CPEB2: variants seen among roughly 807,000 people sequenced by gnomAD.
The protein encoded by CPEB2 is cytoplasmic polyadenylation element binding protein 2.
In CPEB2, 56 loss-of-function variants were observed where a neutral mutation model predicts 93.6. That is an observed-to-expected ratio of 0.60 (90% confidence interval 0.48 to 0.75). The LOEUF is 0.75. CPEB2 is among the 30% of genes least tolerant of loss of function. The pLI is 0.00. For missense variants in CPEB2, 1,579 were observed against 1,395.1 expected (o/e 1.13, Z -2.10); for synonymous variants, 764 against 586.3 (o/e 1.30, Z -4.38).
intron 8 of CPEB2, among the ~76,000 whole-genome samples, chr4:15,057,134 A>G (rs1005436305): frequency 6.6e-6 from 1 of 152,082 alleles, no homozygotes; most frequent in African/African-American, 2.4e-5. Flanking sequence ...TTTTGTATCA[A>G]AATTAAAGCC....
chr4:15,002,835 T>G lies in CPEB2; in HGVS notation c.162T>G (p.Pro54=), dbSNP rs1432202425. Residue 54 remains proline (P), a synonymous_variant, in exon 1 of 12, where the codon CCT becomes CCG. Coordinates refer to ENST00000538197, the MANE Select transcript of CPEB2 (RefSeq NM_001177382.2). The part of the protein sequence containing the change: ...PFGPLSPPPL[P]VTGFLEAASP... ...GCCCACTGTCGCCACCACCGTTGCC[T>G]GTCACCGGCTTCTTAGAGGCCGCCT... The G allele has an allele frequency of 2.0e-5, 31 of 1,534,944 alleles. No individual in the cohort carries two copies. Among genetic ancestry groups the G allele is most frequent in the Non-Finnish European group, 2.7e-5 (31 of 1,146,514 alleles).
chr4:15,013,827 A>G (rs757243207), intron 3 of CPEB2, among the ~76,000 whole-genome samples: 24 of 152,096 alleles, frequency 1.6e-4, no homozygotes, highest in Non-Finnish European at 2.2e-4. Context: ...ATTTTAAAAT[A>G]GCTTTGCTGT....
At chr4:15,025,275 G>A (rs1220277698) in intron 4 of CPEB2, among the ~76,000 whole-genome samples, 2 of 151,902 alleles carry the variant, frequency 1.3e-5, no homozygotes, top group African/African-American at 2.4e-5. Flanking sequence ...TCTTATTCTT[G>A]TTGTTTGATC....
intron 4 of CPEB2, among the ~76,000 whole-genome samples, chr4:15,018,216 A>T (rs1245389664): frequency 6.6e-6 from 1 of 151,806 alleles, no homozygotes; most frequent in Non-Finnish European, 1.5e-5. Flanking sequence ...TTCTCTTTCA[A>T]GATTTGGCCT....
At chr4:15,022,800 A>G (rs565049752) in intron 4 of CPEB2, among the ~76,000 whole-genome samples, 9 of 152,216 alleles carry the variant, frequency 5.9e-5, no homozygotes, top group Non-Finnish European at 1.0e-4. Context: ...TGAAAGTACA[A>G]TTTATGAGTT....
At chr4:15,058,227 A>G (rs185426240) in intron 8 of CPEB2, among the ~76,000 whole-genome samples, 194 bp from the exon 9 acceptor site, 11 of 152,266 alleles carry the variant, frequency 7.2e-5, no homozygotes, top group Non-Finnish European at 1.2e-4. Context: ...AAAGTAGCCA[A>G]TTGCTTTACT....
chr4:15,054,391 A>G (rs912077417), intron 8 of CPEB2, among the ~76,000 whole-genome samples, 174 bp downstream of exon 8: 1 of 152,218 alleles, frequency 6.6e-6, no homozygotes, highest in East Asian at 1.9e-4. Context: ...CATCATTTCA[A>G]GTAACTTGGG....
Position 15,068,204 on chromosome 4 carries a change from A to G in CPEB2, c.*1824A>G, listed in dbSNP as rs564593173. 2.6e-5 allele frequency: 4 copies of G among 152,288 alleles called. 1 individual carries two copies. The highest frequency in any genetic ancestry group is 9.6e-5 in the African/African-American group (4 of 41,466). The allele number at this position is 152,288 out of a possible 1,614,324, so 9.4% of individuals were successfully genotyped here. On this transcript the variant is annotated 3_prime_UTR_variant, in exon 12 of 12. Transcript: ENST00000538197. Reference sequence around the variant, plus strand: ...TCATGTGAGCAAAGTGTTGATCTTAATATTGGTTGTCTGTGGTGTGCTTTT... The same window carrying G: ...TCATGTGAGCAAAGTGTTGATCTTAGTATTGGTTGTCTGTGGTGTGCTTTT...
chr4:15,007,110 A>G (rs1223759132), intron 1 of CPEB2, among the ~76,000 whole-genome samples, 195 bp from the exon 2 acceptor site: 3 of 152,226 alleles, frequency 2.0e-5, no homozygotes, highest in Non-Finnish European at 2.9e-5. Context: ...ATACAAGAAG[A>G]TGAAAACTTG....
Position 15,038,024 on chromosome 4 carries a change from A to T in CPEB2, c.2177-2440A>T, listed in dbSNP as rs184251105. Among the ~76,000 whole-genome samples, 9 of 152,316 alleles carry T rather than the reference A, an allele frequency of 5.9e-5. No individual in the cohort carries two copies. In the East Asian group the frequency reaches 1.7e-3, roughly 29 times the overall value. On this transcript the variant is annotated intron_variant, in intron 5 of 11. Transcript: ENST00000538197. ...TTAGTGTGATGGTGGCAGATTAGTT[A>T]TTTCCATAACAGGGAATAGGAAATA...
intron 7 of CPEB2, 78 bp downstream of exon 7, chr4:15,052,662 G>A (rs906170894): frequency 1.1e-6 from 1 of 939,942 alleles, no homozygotes; most frequent in Non-Finnish European, 1.5e-6. Context: ...AATGTGAATG[G>A]ACTATGAAAG....
intron 5 of CPEB2, among the ~76,000 whole-genome samples, chr4:15,033,496 A>G (rs917379487): frequency 1.3e-5 from 2 of 152,216 alleles, no homozygotes; most frequent in Non-Finnish European, 2.9e-5. Flanking sequence ...TGGACAGATT[A>G]CTATTACCTT....
intron 2 of CPEB2, 138 bp from the exon 3 acceptor site, chr4:15,008,200 G>GTTTTTTTT: frequency 2.1e-6 from 1 of 486,248 alleles, no homozygotes; most frequent in African/African-American, 2.0e-5. Flanking sequence ...GTTTTGTTTT[G>GTTTTTTTT]TTTTTTTCTT....
chr4:15,058,366 T>C lies in CPEB2; in HGVS notation c.2462-55T>C, dbSNP rs1728902143. ...TGTATTTTCTAAATAGTACTGAAAT[T>C]TGGAGTAAAATCACTTGGCTTGACA... On this transcript the variant is annotated intron_variant, in intron 8 of 11. Transcript: ENST00000538197. 5.0e-6 allele frequency: 5 copies of C among 1,004,312 alleles called. No individual in the cohort carries two copies. In the South Asian group the frequency reaches 5.6e-5, roughly 11 times the overall value. The allele number at this position is 1,004,312 out of a possible 1,614,324, so 62.2% of individuals were successfully genotyped here.
At position 15,003,186 on chromosome 4, in the gene CPEB2, G is replaced by A. The variant is rs750883602; in HGVS notation, c.513G>A (p.Gln171=). 6 of 1,534,092 alleles carry A rather than the reference G, an allele frequency of 3.9e-6. No individual in the cohort carries two copies. Among genetic ancestry groups the A allele is most frequent in the African/African-American group, 1.4e-5 (1 of 72,722 alleles). Residue 171 remains glutamine, a synonymous_variant, in exon 1 of 12, where the codon CAG becomes CAA. Transcript: ENST00000538197. ...SSPQDFSKRQ[Q]QQLSSQKRKE... is the part of the protein sequence containing the mutation. The stretch of plus-strand genomic sequence containing the variant: ...CGCAGGACTTCAGTAAGCGGCAGCA[G>A]CAGCAGCTGAGCAGCCAGAAGAGGA...
intron 1 of CPEB2, 107 bp downstream of exon 1, chr4:15,004,442 C>T (rs1385132754): frequency 2.5e-6 from 2 of 796,278 alleles, no homozygotes; most frequent in Non-Finnish European, 3.6e-6. Flanking sequence ...CCGAGAGAAG[C>T]CGCGACGGGG....
chr4:15,002,985 GCCGGCGCGGCCGCTTT>G lies in CPEB2; in HGVS notation c.314_329del (p.Pro105ArgfsTer22), dbSNP rs1344435744. 5 of 1,501,734 alleles carry G rather than the reference GCCGGCGCGGCCGCTTT, an allele frequency of 3.3e-6. No individual in the cohort carries two copies. In the East Asian group the frequency reaches 1.2e-4, roughly 37 times the overall value. The allele number at this position is 1,501,734 out of a possible 1,614,324, so 93.0% of individuals were successfully genotyped here. A position where few individuals can be genotyped will look rare whatever the true frequency, so the allele number is the denominator to read the frequency against. On this transcript the variant is annotated frameshift_variant, in exon 1 of 12. Coordinates refer to ENST00000538197, the MANE Select transcript of CPEB2 (RefSeq NM_001177382.2). LOFTEE classifies it high-confidence loss of function. ...AGCTGCTTCTGGGGCTGACACAGCA[GCCGGCGCGGCCGCTTT>G]CGGGGGCGGCGGCCACGGAGAAACT...
At chr4:15,007,233 C>T (rs1462818035) in intron 1 of CPEB2, 72 bp from the exon 2 acceptor site, 2 of 1,295,244 alleles carry the variant, frequency 1.5e-6, no homozygotes, top group Admixed American at 2.9e-5. Flanking sequence ...ATTCTTAGGT[C>T]TGAAATTTGA....
At chr4:15,015,810 A>T (rs549142912) in intron 3 of CPEB2, among the ~76,000 whole-genome samples, 17 of 152,148 alleles carry the variant, frequency 1.1e-4, no homozygotes, top group Non-Finnish European at 1.5e-5. Flanking sequence ...TTTTTTTCCA[A>T]TGAAGACATA....
Sources: allele counts gnomAD v4.1 joint callset (sites outside exome capture counted in the v4.1 genomes callset), GRCh38; gene constraint gnomAD v4.1.1; transcripts MANE v1.5; gene names NCBI Gene and HGNC (gene_info 2026-07-23, HGNC 2026-07-21).